PRKCE: variants seen among roughly 807,000 people sequenced by gnomAD.
PRKCE encodes protein kinase C epsilon, also known as protein kinase C epsilon type.
PRKCE carries 16 observed loss-of-function variants against 85.4 expected under a neutral mutation model. The ratio of observed to expected loss-of-function variants is 0.19; its 90% confidence interval spans 0.13 to 0.28. The LOEUF (loss-of-function observed/expected upper bound fraction) is 0.28. Among genes scored for constraint, PRKCE ranks in the 10% least tolerant of loss-of-function variants. PRKCE has a pLI of 1.00. For missense variants in PRKCE, 573 were observed against 975.2 expected, an observed-to-expected ratio of 0.59 and a Z score of 5.49; for synonymous variants, 388 against 371.5, an observed-to-expected ratio of 1.04 and a Z score of -0.51.
intron 1 of PRKCE, among the ~76,000 whole-genome samples, chr2:45,716,468 C>A (rs1028178774): frequency 1.3e-5 from 2 of 151,790 alleles, no homozygotes; most frequent in African/African-American, 4.8e-5. Context: ...AGAGAGCCAA[C>A]TTCTGGAGTT....
intron 14 of PRKCE, among the ~76,000 whole-genome samples, chr2:46,167,486 C>G (rs1678455143): frequency 6.6e-6 from 1 of 152,148 alleles, no homozygotes; most frequent in African/African-American, 2.4e-5. Context: ...GCCAGGAGTT[C>G]AGATGAGGGG....
chr2:45,750,177 C>T (rs548766964), intron 1 of PRKCE, among the ~76,000 whole-genome samples: 4 of 152,126 alleles, frequency 2.6e-5, no homozygotes, highest in Admixed American at 6.6e-5. Context: ...GTGAAAATAT[C>T]GCTAATGTAC....
rs115775496 is a variant in PRKCE at position 45,943,356 on chromosome 2, C to T, written c.413-33073C>T. Among the ~76,000 whole-genome samples the T allele has an allele frequency of 2.0e-3, 310 of 152,320 alleles. 4 individuals are homozygous for T. The highest frequency in any genetic ancestry group is 7.0e-3 in the African/African-American group (289 of 41,574). On this transcript the variant is annotated intron_variant, in intron 2 of 14. Coordinates refer to ENST00000306156, the MANE Select transcript of PRKCE (RefSeq NM_005400.3). ...TCTAAGCCAGCACATAGGAGTTGCACGTGGGTCCTATAGCTCAGAGTACAT... is the reference window on the plus strand; with the variant it reads ...TCTAAGCCAGCACATAGGAGTTGCATGTGGGTCCTATAGCTCAGAGTACAT...
chr2:45,670,895 C>T (rs1008222243), intron 1 of PRKCE, among the ~76,000 whole-genome samples: 9 of 152,306 alleles, frequency 5.9e-5, no homozygotes, highest in African/African-American at 1.9e-4. Flanking sequence ...AACAGAAATA[C>T]CTTCTGTGGC....
At chr2:45,834,232 A>T (rs1220420428) in intron 1 of PRKCE, among the ~76,000 whole-genome samples, 3 of 152,216 alleles carry the variant, frequency 2.0e-5, no homozygotes, top group Non-Finnish European at 4.4e-5. Context: ...CTTGGTTCCC[A>T]GTGACCTGGC....
At chr2:45,973,193 T>C (rs1236754545) in intron 2 of PRKCE, among the ~76,000 whole-genome samples, 2 of 152,188 alleles carry the variant, frequency 1.3e-5, no homozygotes, top group Non-Finnish European at 2.9e-5. Flanking sequence ...CAGGCCCCAG[T>C]AGGGAGGTTC....
chr2:45,896,476 G>T (rs1466457582), intron 2 of PRKCE, among the ~76,000 whole-genome samples: 2 of 152,186 alleles, frequency 1.3e-5, no homozygotes, highest in East Asian at 1.9e-4. Context: ...CATGCCTGTT[G>T]CCTGTCCTTC....
intron 1 of PRKCE, among the ~76,000 whole-genome samples, chr2:45,801,978 G>A (rs1687899777): frequency 6.6e-6 from 1 of 151,972 alleles, no homozygotes; most frequent in Admixed American, 6.6e-5. Context: ...GCCAGGCCCA[G>A]TGGCTCATGC....
rs577783487 is a variant in PRKCE, at chr2:45,918,675, C to T, written c.413-57754C>T. Among the ~76,000 whole-genome samples, 3 of 152,280 alleles carry T rather than the reference C, an allele frequency of 2.0e-5. No homozygotes were observed. In the East Asian group the frequency reaches 5.8e-4, roughly 29 times the overall value. ...TATAGTAAACCAATCTGTCCACCAG[C>T]TGGAAACTAAAGGCACATGTAGGAA... On this transcript the variant is annotated intron_variant, in intron 2 of 14. Transcript: ENST00000306156.
intron 1 of PRKCE, among the ~76,000 whole-genome samples, chr2:45,746,850 C>A (rs1158356742): frequency 6.6e-6 from 1 of 152,180 alleles, no homozygotes; most frequent in Non-Finnish European, 1.5e-5. Context: ...CTTATCGTCT[C>A]AGGAACATGT....
At position 46,004,752 on chromosome 2, in the gene PRKCE, C is replaced by G; in HGVS notation, c.1063+114C>G. ...TTGTTAGCTGAAATAGCTAGCAGCC[C>G]TGGTGGGTTTTCACACACCCGTTGC... is the stretch of plus-strand genomic sequence containing the variant. On this transcript the variant is annotated intron_variant, in intron 8 of 14. Coordinates refer to ENST00000306156, the MANE Select transcript of PRKCE (RefSeq NM_005400.3). The surrounding 1 kb of genome is among the most constrained non-coding windows in gnomAD (Gnocchi z 4.1). 1.1e-6 allele frequency: 1 copy of G among 921,102 alleles called. No homozygotes were observed. Among genetic ancestry groups the G allele is most frequent in the South Asian group, 1.5e-5 (1 of 66,482 alleles). The allele number at this position is 921,102 out of a possible 1,614,324, so 57.1% of individuals were successfully genotyped here.
intron 1 of PRKCE, among the ~76,000 whole-genome samples, chr2:45,787,961 C>T (rs1686741860): frequency 6.6e-6 from 1 of 152,190 alleles, no homozygotes; most frequent in Admixed American, 6.5e-5. Flanking sequence ...AGCTGTCTCT[C>T]ATGTTAGGTT....
intron 6 of PRKCE, among the ~76,000 whole-genome samples, chr2:45,992,605 G>T (rs1703895033): frequency 6.6e-6 from 1 of 152,138 alleles, no homozygotes; most frequent in Non-Finnish European, 1.5e-5. Context: ...CCATTGCCCT[G>T]GCTCACCCTC....
In PRKCE at chr2:45,774,779, C is replaced by T. The variant is rs890962640; in HGVS notation, c.349-68221C>T. On this transcript the variant is annotated intron_variant, in intron 1 of 14. Transcript: ENST00000306156. This position sits in a 1 kb window ranked among gnomAD's most constrained non-coding sequence, Gnocchi z 4.3. ...TCTTTCCTGGAGGGACCCACCCAAGCTGCACATTCCCAGGGCCAGTGCACC... is the reference window on the plus strand; with the variant it reads ...TCTTTCCTGGAGGGACCCACCCAAGTTGCACATTCCCAGGGCCAGTGCACC... 3.7e-4 allele frequency among the ~76,000 whole-genome samples: 56 copies of T among 152,236 alleles called. No individual in the cohort carries two copies. The highest frequency in any genetic ancestry group is 1.3e-3 in the African/African-American group (53 of 41,556).
chr2:45,845,376 T>C (rs984161639), intron 2 of PRKCE: 1 of 9,832 alleles, frequency 1.0e-4, no homozygotes, highest in Non-Finnish European at 2.5e-4. Context: ...GGACTAAGTA[T>C]TTTTTTTTTT....
At chr2:45,906,439 C>A (rs1406970623) in intron 2 of PRKCE, among the ~76,000 whole-genome samples, 1 of 152,208 alleles carries the variant, frequency 6.6e-6, no homozygotes, top group African/African-American at 2.4e-5. Context: ...TTTACTAAAG[C>A]AAAAACGGAA....
chr2:45,834,280 A>G (rs1014785826), intron 1 of PRKCE, among the ~76,000 whole-genome samples: 1 of 152,164 alleles, frequency 6.6e-6, no homozygotes, highest in African/African-American at 2.4e-5. Context: ...GCCAGTTTTG[A>G]GGGGTGTTTA....
chr2:46,074,715 C>T (rs1668399505), intron 10 of PRKCE, among the ~76,000 whole-genome samples: 1 of 152,212 alleles, frequency 6.6e-6, no homozygotes, highest in Non-Finnish European at 1.5e-5. Context: ...GTGTGAGGCC[C>T]AGCTCCAGCA....
intron 14 of PRKCE, among the ~76,000 whole-genome samples, chr2:46,168,982 G>T (rs993500236): frequency 6.6e-6 from 1 of 152,164 alleles, no homozygotes. Flanking sequence ...AGCCTGGTTC[G>T]TGTGTATTGA....
Sources: allele counts gnomAD v4.1 joint callset (sites outside exome capture counted in the v4.1 genomes callset), GRCh38; gene constraint gnomAD v4.1.1; non-coding constraint Gnocchi (gnomAD v3.1); transcripts MANE v1.5; gene names NCBI Gene and HGNC (gene_info 2026-07-23, HGNC 2026-07-21).